Variants in SLCO1B3 observed in about 807,000 individuals in gnomAD.
SLCO1B3 encodes solute carrier organic anion transporter family member 1B3.
A neutral mutation model predicts 71.8 loss-of-function variants in SLCO1B3; 72 were observed. The observed-to-expected ratio is 1.00, with a 90% CI of 0.83 to 1.22. SLCO1B3 has a LOEUF of 1.22. Ranked by LOEUF, SLCO1B3 falls within the 50% of genes most tolerant of loss-of-function variation. SLCO1B3 has a pLI of 0.00. For missense variants in SLCO1B3, 911 were observed against 819.7 expected (o/e 1.11, Z -1.36); for synonymous variants, 298 against 278.4 (o/e 1.07, Z -0.70).
chr12:20,907,511 CT>C (rs753028322), intron 15 of SLCO1B3, among the ~76,000 whole-genome samples: 119 of 124,758 alleles, frequency 9.5e-4, no homozygotes, highest in East Asian at 1.9e-3. Context: ...CCTTCCCTTC[CT>C]TTTTTTTTTT....
intron 8 of SLCO1B3, among the ~76,000 whole-genome samples, chr12:20,866,637 A>C (rs979140142): frequency 4.6e-5 from 7 of 152,122 alleles, no homozygotes; most frequent in Admixed American, 4.6e-4. Context: ...ACTTAGGAGT[A>C]ACAGAAAAGT....
rs754342222 is a variant in SLCO1B3, at chr12:20,875,473, G to A, written c.966G>A (p.Val322=). Residue 322 remains valine, a synonymous_variant, in exon 9 of 16, where the codon GTG becomes GTA. Coordinates refer to ENST00000381545, the MANE Select transcript of SLCO1B3 (RefSeq NM_019844.4). ...AAGGAAAAAATGTTACCAAAAATGT[G>A]ACTGGTAGGTATTTGACATTCATTG... The part of the protein sequence containing the change: ...TNQGKNVTKN[V]TGFFQSLKSI... 1 of 1,600,898 alleles carries A rather than the reference G, an allele frequency of 6.2e-7. No individual in the cohort carries two copies. Among genetic ancestry groups the A allele is most frequent in the Non-Finnish European group, 8.5e-7 (1 of 1,177,286 alleles).
chr12:20,846,046 C>T (rs975654), intron 3 of SLCO1B3, among the ~76,000 whole-genome samples: 109,868 of 151,594 alleles, frequency 0.72, 42,373 homozygotes, highest in South Asian at 0.9. Context: ...GCTATTCTTA[C>T]ATCAGATAAA....
At chr12:20,852,457 C>T (rs1379433977) in intron 3 of SLCO1B3, among the ~76,000 whole-genome samples, 2 of 152,042 alleles carry the variant, frequency 1.3e-5, no homozygotes, top group Non-Finnish European at 2.9e-5. Context: ...CCAGACTGGG[C>T]AACAGAGCAA....
chr12:20,909,268 C>A (rs1370470327), intron 15 of SLCO1B3, among the ~76,000 whole-genome samples: 1 of 150,364 alleles, frequency 6.7e-6, no homozygotes. Context: ...CAGGTTCACG[C>A]CATTCTTCCA....
At chr12:20,910,659 A>G (rs989739490) in intron 15 of SLCO1B3, among the ~76,000 whole-genome samples, 1 of 152,090 alleles carries the variant, frequency 6.6e-6, no homozygotes, top group African/African-American at 2.4e-5. Context: ...TTTTCTGCCT[A>G]TGCCTTTTGT....
intron 11 of SLCO1B3, 101 bp downstream of exon 11, chr12:20,879,732 T>C (rs1347498258): frequency 1.3e-6 from 1 of 762,658 alleles, no homozygotes; most frequent in East Asian, 3.1e-5. Context: ...AATTAAACTT[T>C]ATTTTAATTG....
At chr12:20,864,733 CCT>C (rs1345723055) in intron 8 of SLCO1B3, among the ~76,000 whole-genome samples, 1 of 152,128 alleles carries the variant, frequency 6.6e-6, no homozygotes, top group African/African-American at 2.4e-5. Flanking sequence ...AACTTCTACC[CCT>C]GACTGTTCAG....
intron 15 of SLCO1B3, among the ~76,000 whole-genome samples, chr12:20,911,702 G>T (rs972919625): frequency 1.3e-5 from 2 of 152,086 alleles, no homozygotes; most frequent in Non-Finnish European, 2.9e-5. Flanking sequence ...TTTCTTTCAG[G>T]TTATTAAAAT....
chr12:20,829,773 T>C (rs1462123297), intron 3 of SLCO1B3, among the ~76,000 whole-genome samples: 1 of 152,174 alleles, frequency 6.6e-6, no homozygotes, highest in Non-Finnish European at 1.5e-5. Flanking sequence ...TTTATGGTTA[T>C]TTCTTGATGA....
intron 3 of SLCO1B3, among the ~76,000 whole-genome samples, chr12:20,853,568 G>A (rs571046915): frequency 3.9e-5 from 6 of 152,004 alleles, no homozygotes; most frequent in East Asian, 1.9e-4. Flanking sequence ...TGAGACAGCC[G>A]TTGTAATGCC....
At position 20,841,257 on chromosome 12, in the gene SLCO1B3, C is replaced by T. The variant is rs141613069; in HGVS notation, c.85-13771C>T. 4.7e-3 allele frequency among the ~76,000 whole-genome samples: 717 copies of T among 152,124 alleles called. 3 individuals are homozygous for T. The highest frequency in any genetic ancestry group is 6.3e-3 in the Admixed American group (96 of 15,268). On this transcript the variant is annotated intron_variant, in intron 3 of 15. Transcript: ENST00000381545. ...ATCCAAGAATCATTGCTTTTTCAGTCGGTTTAGTGTTTTACTTGATGTTAG... is the reference window on the plus strand; with the variant it reads ...ATCCAAGAATCATTGCTTTTTCAGTTGGTTTAGTGTTTTACTTGATGTTAG...
intron 3 of SLCO1B3, among the ~76,000 whole-genome samples, chr12:20,840,211 G>C (rs1244468962): frequency 1.3e-5 from 2 of 151,968 alleles, no homozygotes; most frequent in South Asian, 4.1e-4. Flanking sequence ...TAGGTGACTT[G>C]TAATATCTCC....
At chr12:20,815,915 C>A in intron 3 of SLCO1B3, 93 bp downstream of exon 3, 1 of 605,184 alleles carries the variant, frequency 1.7e-6, no homozygotes. Context: ...AACATTATAT[C>A]TCATATTACA....
chr12:20,815,705 T>C lies in SLCO1B3; in HGVS notation c.-34T>C. The stretch of plus-strand genomic sequence containing the variant: ...ATTTCAAACCAAGCATCAGCAACAA[T>C]TAAAAATATTCACTTGGTATCTGTA... On this transcript the variant is annotated 5_prime_UTR_variant, in exon 3 of 16. Coordinates refer to ENST00000381545, the MANE Select transcript of SLCO1B3 (RefSeq NM_019844.4). 7.9e-7 allele frequency: 1 copy of C among 1,261,228 alleles called. No homozygotes were observed. The allele number at this position is 1,261,228 out of a possible 1,614,324, so 78.1% of individuals were successfully genotyped here. A position where few individuals can be genotyped will look rare whatever the true frequency, so the allele number is the denominator to read the frequency against.
chr12:20,849,780 T>C (rs1421448533), intron 3 of SLCO1B3, among the ~76,000 whole-genome samples: 3 of 150,738 alleles, frequency 2.0e-5, no homozygotes, highest in Admixed American at 2.0e-4. Flanking sequence ...GGAATAAGCA[T>C]TGAAAAATAA....
intron 13 of SLCO1B3, among the ~76,000 whole-genome samples, chr12:20,884,999 C>T (rs776666149): frequency 6.6e-6 from 1 of 152,034 alleles, no homozygotes; most frequent in East Asian, 1.9e-4. Context: ...TATAAAAATT[C>T]ACTTCATAAT....
At chr12:20,817,168 G>T (rs1864208019) in intron 3 of SLCO1B3, among the ~76,000 whole-genome samples, 1 of 152,088 alleles carries the variant, frequency 6.6e-6, no homozygotes, top group Non-Finnish European at 1.5e-5. Context: ...TCACTTTGTT[G>T]ATTGTATCCT....
intron 15 of SLCO1B3, among the ~76,000 whole-genome samples, chr12:20,911,091 T>G (rs1397015465): frequency 6.6e-6 from 1 of 152,118 alleles, no homozygotes; most frequent in East Asian, 1.9e-4. Context: ...TTTTGGTGTA[T>G]ATGTTTTTAA....
Sources: allele counts gnomAD v4.1 joint callset (sites outside exome capture counted in the v4.1 genomes callset), GRCh38; gene constraint gnomAD v4.1.1; transcripts MANE v1.5; gene names NCBI Gene and HGNC (gene_info 2026-07-23, HGNC 2026-07-21).